Variants in ZW10 observed in about 807,000 individuals in gnomAD.
ZW10 encodes centromere/kinetochore protein zw10 homolog.
Under a neutral mutation model 87.8 loss-of-function variants are expected in ZW10, and 53 were observed. The observed-to-expected ratio is 0.60, with a 90% CI of 0.48 to 0.76. The LOEUF is 0.76. Ranked by LOEUF, ZW10 falls within the 30% of genes least tolerant of loss-of-function variation. The pLI is 0.00. For missense variants in ZW10, 837 were observed against 923.0 expected (o/e 0.91, Z 1.21); for synonymous variants, 312 against 329.2 (o/e 0.95, Z 0.57).
At chr11:113,742,797 G>A (rs1303425731) in intron 10 of ZW10, among the ~76,000 whole-genome samples, 1 of 152,210 alleles carries the variant, frequency 6.6e-6, no homozygotes, top group Non-Finnish European at 1.5e-5. Flanking sequence ...GAATGGACAT[G>A]TGAATGTAAT....
chr11:113,749,568 C>G (rs1953714530), intron 7 of ZW10, among the ~76,000 whole-genome samples: 1 of 152,124 alleles, frequency 6.6e-6, no homozygotes, highest in Non-Finnish European at 1.5e-5. Context: ...TAAATAAACT[C>G]TATGAATTGT....
At chr11:113,758,485 T>C in intron 6 of ZW10, 69 bp downstream of exon 6, 8 of 1,479,266 alleles carry the variant, frequency 5.4e-6, no homozygotes, top group Non-Finnish European at 7.4e-6. Context: ...TTTATCATCT[T>C]TTCTGTCTTC....
At chr11:113,740,250 A>G (rs1456094249) in intron 11 of ZW10, among the ~76,000 whole-genome samples, 2 of 152,170 alleles carry the variant, frequency 1.3e-5, no homozygotes, top group Non-Finnish European at 2.9e-5. Context: ...CTAGGAAGAG[A>G]GTAAATATGT....
At chr11:113,748,130 C>T in intron 8 of ZW10, 127 bp downstream of exon 8, 1 of 824,718 alleles carries the variant, frequency 1.2e-6, no homozygotes, top group African/African-American at 1.8e-5. Flanking sequence ...TGGAATTTGT[C>T]TCTATTCCTT....
intron 12 of ZW10, among the ~76,000 whole-genome samples, chr11:113,738,927 T>G (rs1174461891): frequency 6.6e-6 from 1 of 150,550 alleles, no homozygotes; most frequent in Non-Finnish European, 1.5e-5. Flanking sequence ...AATCCTATTA[T>G]GTGAATCCTG....
At chr11:113,766,940 C>A (rs1953914242) in intron 2 of ZW10, among the ~76,000 whole-genome samples, 1 of 151,888 alleles carries the variant, frequency 6.6e-6, no homozygotes, top group African/African-American at 2.4e-5. Flanking sequence ...TTGCTTGAAC[C>A]CAGGAGGCAG....
rs777228447 is a variant in ZW10 at position 113,760,911 on chromosome 11, C to T, written c.248G>A (p.Arg83Gln). 5.6e-6 allele frequency: 9 copies of T among 1,613,642 alleles called. No homozygotes were observed. In the Admixed American group the frequency reaches 8.3e-5, roughly 15 times the overall value. Reference protein sequence around the residue: ...LKSRIESEVRRDLHVSTGEFT... With the variant: ...LKSRIESEVRQDLHVSTGEFT... ...TTCACCGGTTGATACGTGAAGATCCCGGCGGACCTAATTCACACATCAAAA... is the reference window on the plus strand; with the variant it reads ...TTCACCGGTTGATACGTGAAGATCCTGGCGGACCTAATTCACACATCAAAA... Residue 83 changes from arginine (R) to glutamine (Q), a missense_variant, in exon 3 of 16, where the codon CGG becomes CAG. Arg to Gln is a conservative substitution (Grantham distance 43). Coordinates refer to ENST00000200135, the MANE Select transcript of ZW10 (RefSeq NM_004724.4).
intron 10 of ZW10, among the ~76,000 whole-genome samples, chr11:113,743,451 T>C (rs115831199): frequency 5.9e-5 from 9 of 152,338 alleles, no homozygotes; most frequent in African/African-American, 1.7e-4. Flanking sequence ...TCTCATATAA[T>C]ATCATTCAAT....
intron 5 of ZW10, 128 bp downstream of exon 5, chr11:113,760,081 G>A (rs914137769): frequency 1.1e-5 from 13 of 1,153,510 alleles, no homozygotes; most frequent in South Asian, 3.7e-5. Context: ...GCTAACATGA[G>A]TGCTCAATAC....
intron 11 of ZW10, among the ~76,000 whole-genome samples, 198 bp from the exon 12 acceptor site, chr11:113,739,580 T>A (rs1046707118): frequency 1.3e-5 from 2 of 152,212 alleles, no homozygotes; most frequent in Non-Finnish European, 2.9e-5. Flanking sequence ...TTTTATCCTA[T>A]AAAACTATCC....
At chr11:113,758,780 T>G (rs1953827262) in intron 5 of ZW10, 74 bp from the exon 6 acceptor site, 15 of 1,365,378 alleles carry the variant, frequency 1.1e-5, no homozygotes, top group East Asian at 2.3e-5. Flanking sequence ...TCAGAGCTCA[T>G]TCTCTGATAT....
intron 1 of ZW10, among the ~76,000 whole-genome samples, chr11:113,773,299 G>A (rs1368755111): frequency 6.6e-6 from 1 of 151,208 alleles, no homozygotes; most frequent in Non-Finnish European, 1.5e-5. Context: ...TCCAGCCACC[G>A]CCTGTTCGTC....
chr11:113,759,005 C>T (rs1043059135), intron 5 of ZW10, among the ~76,000 whole-genome samples: 2 of 152,150 alleles, frequency 1.3e-5, no homozygotes, highest in African/African-American at 4.8e-5. Context: ...GAGACGCTGT[C>T]TCTAACAAAA....
In ZW10 at chr11:113,736,796, C is replaced by A; in HGVS notation, c.2043G>T (p.Arg681Ser). The A allele has an allele frequency of 6.2e-7, 1 of 1,614,112 alleles. No individual in the cohort carries two copies. The highest frequency in any genetic ancestry group is 1.1e-5 in the South Asian group (1 of 91,084). The change falls in exon 15 of 16, where the codon AGG becomes AGT. Residue 681 changes from arginine to serine, a missense_variant. Physicochemically the swap from Arg to Ser is moderately radical, Grantham distance 110 (BLOSUM62 -1). Coordinates refer to ENST00000200135, the MANE Select transcript of ZW10 (RefSeq NM_004724.4). ...LEDISTEDGD[R>S]LYSLCKTVMD... is the part of the protein sequence containing the mutation. ...TCACTGTTTTGCATAAGGAATATAA[C>A]CTATCACCATCTTCAGTAGATATGT...
At chr11:113,749,713 T>G (rs1953715874) in intron 7 of ZW10, among the ~76,000 whole-genome samples, 1 of 152,190 alleles carries the variant, frequency 6.6e-6, no homozygotes, top group Non-Finnish European at 1.5e-5. Context: ...TGGAAAAAAT[T>G]TTTTAAAGCA....
intron 11 of ZW10, among the ~76,000 whole-genome samples, chr11:113,740,228 A>C (rs1200659451): frequency 6.6e-6 from 1 of 152,192 alleles, no homozygotes; most frequent in African/African-American, 2.4e-5. Flanking sequence ...CATCAGACAT[A>C]AATCAAATGC....
At position 113,737,701 on chromosome 11, in the gene ZW10, T is replaced by G; in HGVS notation, c.1887A>C (p.Val629=). Residue 629 remains valine (V), a splice_region_variant and synonymous_variant, in exon 14 of 16, where the codon GTA becomes GTC. Coordinates refer to ENST00000200135, the MANE Select transcript of ZW10 (RefSeq NM_004724.4). Reference sequence around the variant, plus strand: ...TTCCAAGTCTCTTTAGTTGGTGCAGTACCTGTAGAAGAATACAGCTATTTA... The same window carrying G: ...TTCCAAGTCTCTTTAGTTGGTGCAGGACCTGTAGAAGAATACAGCTATTTA... The part of the protein sequence containing the change: ...YSAASKAVRQ[V]LHQLKRLGIV... The G allele has an allele frequency of 6.2e-7, 1 of 1,609,414 alleles. No homozygotes were observed. The highest frequency in any genetic ancestry group is 1.1e-5 in the South Asian group (1 of 90,496).
chr11:113,744,327 CA>C (rs1271520091), intron 9 of ZW10, among the ~76,000 whole-genome samples: 2 of 152,046 alleles, frequency 1.3e-5, no homozygotes, highest in Non-Finnish European at 2.9e-5. Context: ...GCGGAGCTTG[CA>C]GTGAGCGGAG....
Position 113,748,320 on chromosome 11 carries a change from G to A in ZW10, c.1026C>T (p.Leu342=), listed in dbSNP as rs1479713021. The A allele has an allele frequency of 6.2e-7, 1 of 1,613,544 alleles. No homozygotes were observed. The highest frequency in any genetic ancestry group is 1.1e-5 in the South Asian group (1 of 90,988). The change falls in exon 8 of 16, where the codon CTC becomes CTT. Residue 342 remains leucine, a synonymous_variant. Coordinates refer to ENST00000200135, the MANE Select transcript of ZW10 (RefSeq NM_004724.4). ...DMIWEDLSEC[L]IKNCLVYSIP... is the part of the protein sequence containing the mutation. ...TCGAATAAACCAAACAGTTTTTGAT[G>A]AGGCACTCAGACAAGTCCTCCCAGA... is the stretch of plus-strand genomic sequence containing the variant.
Sources: allele counts gnomAD v4.1 joint callset (sites outside exome capture counted in the v4.1 genomes callset), GRCh38; gene constraint gnomAD v4.1.1; transcripts MANE v1.5; gene names NCBI Gene and HGNC (gene_info 2026-07-23, HGNC 2026-07-21).